The following ADCY8 variants were observed in gnomAD, a reference collection of about 807,000 sequenced individuals.
The protein encoded by ADCY8 is adenylate cyclase type 8.
ADCY8 carries 51 observed loss-of-function variants against 119.7 expected under a neutral mutation model. The ratio of observed to expected loss-of-function variants is 0.43; its 90% CI spans 0.34 to 0.54. The LOEUF (loss-of-function observed/expected upper bound fraction) is 0.54, where lower values mean the gene tolerates loss of function less well. Among genes scored for constraint, ADCY8 ranks in the 20% least tolerant of loss-of-function variants. The probability of loss-of-function intolerance (pLI) is 0.03; values close to 1 mark genes in which losing one functional copy is unlikely to be tolerated. For missense variants in ADCY8, 1,383 were observed against 1,598.8 expected (o/e 0.87, Z 2.30); for synonymous variants, 665 against 651.0 (o/e 1.02, Z -0.33).
At chr8:130,894,699 AAAG>A (rs1007419846) in intron 7 of ADCY8, among the ~76,000 whole-genome samples, 2 of 152,182 alleles carry the variant, frequency 1.3e-5, no homozygotes, top group African/African-American at 4.8e-5. Flanking sequence ...GGGGAAGTAA[AAAG>A]AAGTACATAT....
intron 8 of ADCY8, among the ~76,000 whole-genome samples, chr8:130,869,203 C>G (rs1164798358): frequency 6.6e-6 from 1 of 152,176 alleles, no homozygotes; most frequent in African/African-American, 2.4e-5. Flanking sequence ...CCTCTGTCCA[C>G]TTGCTGGCAA....
At chr8:130,795,903 C>T (rs1346028379) in intron 15 of ADCY8, among the ~76,000 whole-genome samples, 1 of 152,150 alleles carries the variant, frequency 6.6e-6, no homozygotes, top group Non-Finnish European at 1.5e-5. Context: ...AGAGATTCTG[C>T]CAGTCATGCC....
chr8:130,872,699 C>T (rs1050180119), intron 8 of ADCY8, among the ~76,000 whole-genome samples: 1 of 152,092 alleles, frequency 6.6e-6, no homozygotes, highest in African/African-American at 2.4e-5. Context: ...AAATAATGAG[C>T]CCCTTTTTAG....
At chr8:130,894,290 T>C (rs1819308079) in intron 7 of ADCY8, among the ~76,000 whole-genome samples, 2 of 152,136 alleles carry the variant, frequency 1.3e-5, no homozygotes, top group South Asian at 4.1e-4. Context: ...GCTACTTCCT[T>C]TTACCCTAAC....
intron 5 of ADCY8, among the ~76,000 whole-genome samples, chr8:130,912,859 T>C (rs1443525884): frequency 6.6e-6 from 1 of 152,110 alleles, no homozygotes; most frequent in Non-Finnish European, 1.5e-5. Context: ...TAGGAGCCAT[T>C]TAAAAAAAAT....
chr8:130,882,098 T>C (rs549053645), intron 8 of ADCY8, among the ~76,000 whole-genome samples: 1 of 149,398 alleles, frequency 6.7e-6, no homozygotes, highest in Non-Finnish European at 1.5e-5. Flanking sequence ...GTGTGTTTCC[T>C]CTTAGAAACC....
rs1303337249 is a variant in ADCY8, at chr8:130,903,766, A to G, written c.1911+6T>C. The stretch of plus-strand genomic sequence containing the variant: ...GGCCAAGCAGAAGGAGGAAGAGAGG[A>G]CTTACATTCTGTTTCCCCACGATAT... On this transcript the variant is annotated splice_donor_region_variant and intron_variant, in intron 7 of 17. Transcript: ENST00000286355. The G allele has an allele frequency of 6.2e-7, 1 of 1,611,394 alleles. No individual in the cohort carries two copies. The highest frequency in any genetic ancestry group is 8.5e-7 in the Non-Finnish European group (1 of 1,179,618).
At chr8:130,982,929 T>C (rs777810255) in intron 2 of ADCY8, among the ~76,000 whole-genome samples, 16 of 152,204 alleles carry the variant, frequency 1.1e-4, no homozygotes, top group Non-Finnish European at 1.8e-4. Flanking sequence ...ATGCTAAATA[T>C]ACACAGAGGG....
chr8:131,022,784 TTTC>T (rs1344334494), intron 1 of ADCY8, among the ~76,000 whole-genome samples: 1 of 152,146 alleles, frequency 6.6e-6, no homozygotes, highest in Admixed American at 6.5e-5. Context: ...TAAACTTTTC[TTTC>T]TTGTGTTTGT....
intron 15 of ADCY8, among the ~76,000 whole-genome samples, chr8:130,796,437 C>CT (rs1283099809): frequency 6.6e-6 from 1 of 152,058 alleles, no homozygotes; most frequent in African/African-American, 2.4e-5. Context: ...GAGATGTGAT[C>CT]TGTGCAAAGT....
intron 11 of ADCY8, among the ~76,000 whole-genome samples, chr8:130,842,925 G>C (rs1324984840): frequency 6.6e-6 from 1 of 151,070 alleles, no homozygotes; most frequent in Non-Finnish European, 1.5e-5. Context: ...ATCTGAGTTG[G>C]TCTTCTTTGG....
chr8:130,850,897 A>G (rs1817504171), intron 9 of ADCY8, among the ~76,000 whole-genome samples: 1 of 152,190 alleles, frequency 6.6e-6, no homozygotes, highest in Non-Finnish European at 1.5e-5. Flanking sequence ...TGAGCATTTT[A>G]TATATAATAT....
intron 6 of ADCY8, among the ~76,000 whole-genome samples, chr8:130,906,536 G>A (rs1224952018): frequency 6.6e-6 from 1 of 152,070 alleles, no homozygotes; most frequent in East Asian, 1.9e-4. Flanking sequence ...TAATCAATAT[G>A]CACTTAAATG....
At chr8:131,002,203 CAGA>C (rs1389459781) in intron 1 of ADCY8, among the ~76,000 whole-genome samples, 2 of 152,186 alleles carry the variant, frequency 1.3e-5, no homozygotes, top group Non-Finnish European at 2.9e-5. Flanking sequence ...ATGAAATTAG[CAGA>C]AGACCTGTAA....
At chr8:131,003,091 C>T (rs1218808569) in intron 1 of ADCY8, among the ~76,000 whole-genome samples, 2 of 151,962 alleles carry the variant, frequency 1.3e-5, no homozygotes, top group Admixed American at 6.6e-5. Context: ...ATCCCAGCTA[C>T]TTGGGAGGTG....
chr8:130,927,441 TTGA>T (rs1820506324), intron 5 of ADCY8, among the ~76,000 whole-genome samples: 1 of 152,206 alleles, frequency 6.6e-6, no homozygotes, highest in Non-Finnish European at 1.5e-5. Context: ...AATCAGGTGA[TTGA>T]TTTTCTTGCT....
At chr8:131,006,157 T>G (rs1823112209) in intron 1 of ADCY8, among the ~76,000 whole-genome samples, 1 of 152,158 alleles carries the variant, frequency 6.6e-6, no homozygotes. Flanking sequence ...GCTGTCCCCC[T>G]CTCACATTTC....
intron 8 of ADCY8, among the ~76,000 whole-genome samples, chr8:130,868,579 AG>A (rs1818213221): frequency 6.6e-6 from 1 of 152,206 alleles, no homozygotes; most frequent in African/African-American, 2.4e-5. Context: ...TAGCTTTAAA[AG>A]CTTCTAGAAG....
intron 11 of ADCY8, among the ~76,000 whole-genome samples, chr8:130,846,340 A>G (rs1213425852): frequency 6.6e-6 from 1 of 152,160 alleles, no homozygotes; most frequent in Middle Eastern, 3.2e-3. Context: ...AGGCCCAGAA[A>G]CAGACCACTG....
Sources: allele counts gnomAD v4.1 joint callset (sites outside exome capture counted in the v4.1 genomes callset), GRCh38; gene constraint gnomAD v4.1.1; transcripts MANE v1.5; gene names NCBI Gene and HGNC (gene_info 2026-07-23, HGNC 2026-07-21).